The following ZNF385D variants were observed in gnomAD, a reference collection of about 807,000 sequenced individuals.
ZNF385D encodes the protein zinc finger protein 659.
Under a neutral mutation model 35.8 loss-of-function variants are expected in ZNF385D, and 15 were observed. That is an observed-to-expected ratio of 0.42 (90% CI 0.28 to 0.64). ZNF385D has a LOEUF of 0.64. ZNF385D is among the 30% of genes least tolerant of loss of function. The pLI, the probability that ZNF385D is intolerant of heterozygous loss-of-function variation, is 0.23. For synonymous variants in ZNF385D, 212 were observed against 186.8 expected, an observed-to-expected ratio of 1.13 and a Z score of -1.10; for missense variants, 474 against 494.6, an observed-to-expected ratio of 0.96 and a Z score of 0.39.
At chr3:21,916,117 G>A (rs905866106) in intron 3 of ZNF385D, among the ~76,000 whole-genome samples, 2 of 151,892 alleles carry the variant, frequency 1.3e-5, no homozygotes, top group African/African-American at 4.8e-5. Flanking sequence ...GTATATTAGG[G>A]TACATTAAAA....
At chr3:21,792,309 G>A (rs572287982) in intron 3 of ZNF385D, among the ~76,000 whole-genome samples, 2 of 152,252 alleles carry the variant, frequency 1.3e-5, no homozygotes, top group South Asian at 4.1e-4. Context: ...GATTTATTGA[G>A]TTGTGACAAC....
At chr3:22,102,331 G>C (rs1332574116) in intron 3 of ZNF385D, among the ~76,000 whole-genome samples, 2 of 151,916 alleles carry the variant, frequency 1.3e-5, no homozygotes, top group African/African-American at 2.4e-5. Context: ...ATTCCCATTT[G>C]AAATGTGAAG....
At chr3:22,216,191 C>A (rs1225253765) in intron 2 of ZNF385D, among the ~76,000 whole-genome samples, 1 of 151,884 alleles carries the variant, frequency 6.6e-6, no homozygotes, top group Non-Finnish European at 1.5e-5. Flanking sequence ...TCTCTCCTTG[C>A]CAGAATATTT....
chr3:21,625,376 A>ACCAGC (rs936120542), intron 2 of ZNF385D, among the ~76,000 whole-genome samples: 10 of 152,070 alleles, frequency 6.6e-5, no homozygotes, highest in African/African-American at 2.4e-4. Context: ...TGAAGTGGAA[A>ACCAGC]GTTCCTAAAC....
chr3:22,358,011 G>T (rs1018126750), intron 2 of ZNF385D, among the ~76,000 whole-genome samples: 1 of 151,826 alleles, frequency 6.6e-6, no homozygotes, highest in African/African-American at 2.4e-5. Flanking sequence ...TGAGCTCCTG[G>T]AAAGAAAATG....
At chr3:22,222,240 A>G (rs922035026) in intron 2 of ZNF385D, among the ~76,000 whole-genome samples, 4 of 152,042 alleles carry the variant, frequency 2.6e-5, no homozygotes, top group Admixed American at 2.0e-4. Flanking sequence ...AAGTGCTGGG[A>G]TAACAGGCAT....
intron 3 of ZNF385D, among the ~76,000 whole-genome samples, chr3:21,950,066 A>AAATGATGTAGTAACTATGATGGTTTCC (rs1559784200): frequency 4.6e-5 from 7 of 152,112 alleles, no homozygotes; most frequent in African/African-American, 1.7e-4. Flanking sequence ...CTTTGGGTAT[A>AAATGATGTAGTAACTATGATGGTTTCC]TACCCAGTAA....
chr3:21,987,174 A>G (rs1694854188), intron 3 of ZNF385D, among the ~76,000 whole-genome samples: 5 of 135,724 alleles, frequency 3.7e-5, no homozygotes. Flanking sequence ...TTACATTTAA[A>G]GTTAATACTG....
intron 5 of ZNF385D, among the ~76,000 whole-genome samples, chr3:21,427,284 GTT>G (rs1701064750): frequency 6.6e-6 from 1 of 152,146 alleles, no homozygotes; most frequent in Admixed American, 6.5e-5. Context: ...TATACAAAAT[GTT>G]TCTATGCAGC....
At chr3:21,736,764 T>A (rs1385743866) in intron 1 of ZNF385D, among the ~76,000 whole-genome samples, 1 of 152,198 alleles carries the variant, frequency 6.6e-6, no homozygotes, top group Non-Finnish European at 1.5e-5. Flanking sequence ...TTTCATGCTG[T>A]TCTATCCTAC....
intron 3 of ZNF385D, among the ~76,000 whole-genome samples, chr3:21,962,945 A>G (rs1398685263): frequency 1.3e-5 from 2 of 152,228 alleles, no homozygotes; most frequent in South Asian, 4.1e-4. Context: ...CAAATATTTA[A>G]ACACCAAACA....
chr3:22,222,761 TTTTTATTA>T (rs2125282858), intron 2 of ZNF385D, among the ~76,000 whole-genome samples: 1 of 152,318 alleles, frequency 6.6e-6, no homozygotes, highest in East Asian at 1.9e-4. Context: ...AAAATGTGAA[TTTTTATTA>T]TTAGATCACT....
intron 2 of ZNF385D, among the ~76,000 whole-genome samples, chr3:22,343,589 C>T (rs1695521528): frequency 1.3e-5 from 1 of 77,190 alleles, no homozygotes; most frequent in South Asian, 3.2e-4. Flanking sequence ...TGGCCTTGGC[C>T]ATGTTCCTTG....
intron 2 of ZNF385D, among the ~76,000 whole-genome samples, chr3:21,643,029 A>G (rs2065652155): frequency 6.6e-6 from 1 of 152,190 alleles, no homozygotes; most frequent in South Asian, 2.1e-4. Flanking sequence ...CAATGTAAAT[A>G]TACTTACACT....
At position 22,357,695 on chromosome 3, in the gene ZNF385D, G is replaced by A. The variant is rs116837779; in HGVS notation, c.106+14755C>T. 4.9e-3 allele frequency among the ~76,000 whole-genome samples: 749 copies of A among 151,936 alleles called. 11 individuals are homozygous for A. The highest frequency in any genetic ancestry group is 0.017 in the African/African-American group (685 of 41,514). ...CCAAGTTATTCTCTCAGGGTCACAG[G>A]TTAACAAAGGCTTCACCATCTGGAG... On this transcript the variant is annotated intron_variant, in intron 2 of 5. Transcript: ENST00000494108.
intron 3 of ZNF385D, among the ~76,000 whole-genome samples, chr3:22,027,366 C>T (rs1697624983): frequency 6.6e-6 from 1 of 152,220 alleles, no homozygotes; most frequent in Non-Finnish European, 1.5e-5. Context: ...GTGCAAGCTG[C>T]TCTGCCACTT....
chr3:21,453,227 T>C (rs1702573671), intron 4 of ZNF385D, among the ~76,000 whole-genome samples: 1 of 149,884 alleles, frequency 6.7e-6, no homozygotes, highest in Non-Finnish European at 1.5e-5. Flanking sequence ...TCAAAATGGA[T>C]CAGTAACCTA....
chr3:22,189,376 T>TA (rs1695865708), intron 2 of ZNF385D, among the ~76,000 whole-genome samples: 1 of 152,164 alleles, frequency 6.6e-6, no homozygotes, highest in Non-Finnish European at 1.5e-5. Context: ...GAAACCAAAC[T>TA]AACCAGAGCC....
chr3:22,063,633 C>T (rs1163959326), intron 3 of ZNF385D, among the ~76,000 whole-genome samples: 2 of 152,108 alleles, frequency 1.3e-5, no homozygotes, highest in Admixed American at 1.3e-4. Flanking sequence ...TGCTCAGGTC[C>T]TCTTTGAAGG....
Sources: gnomAD v4.1 joint callset for allele counts (sites outside exome capture counted in the v4.1 genomes callset) on GRCh38, gnomAD v4.1.1 for gene constraint, MANE v1.5 for transcripts, NCBI Gene and HGNC (gene_info 2026-07-23, HGNC 2026-07-21) for gene names.